Variants in LRP1B observed in about 807,000 individuals in gnomAD.
LRP1B encodes LDL receptor related protein 1B, also known as low-density lipoprotein receptor-related protein 1B.
Under a neutral mutation model 556.6 loss-of-function variants are expected in LRP1B, and 217 were observed. The observed-to-expected ratio is 0.39, with a 90% CI of 0.35 to 0.44. The LOEUF is 0.44. Among genes scored for constraint, LRP1B ranks in the 20% least tolerant of loss-of-function variants. The pLI, the probability that LRP1B is intolerant of heterozygous loss-of-function variation, is 1.00. For missense variants in LRP1B, 5,053 were observed against 5,620.8 expected (o/e 0.90, Z 3.23); for synonymous variants, 2,047 against 1,865.8 (o/e 1.10, Z -2.50).
intron 2 of LRP1B, among the ~76,000 whole-genome samples, chr2:141,708,121 G>T (rs552181012): frequency 6.6e-6 from 1 of 152,108 alleles, no homozygotes; most frequent in Admixed American, 6.6e-5. Flanking sequence ...CACTTGCTCT[G>T]CTGATATTTC....
chr2:140,696,865 T>A (rs1559060955), intron 41 of LRP1B, among the ~76,000 whole-genome samples: 1 of 152,168 alleles, frequency 6.6e-6, no homozygotes, highest in South Asian at 2.1e-4. Flanking sequence ...GTTCAAAAGG[T>A]TGAGGACCAC....
chr2:140,294,392 T>G (rs181133490), intron 84 of LRP1B, among the ~76,000 whole-genome samples: 69 of 152,366 alleles, frequency 4.5e-4, no homozygotes, highest in Non-Finnish European at 8.2e-4. Flanking sequence ...TGTGTGATTC[T>G]TTGTTCCTTT....
chr2:141,163,899 C>T (rs1186532557), intron 7 of LRP1B, among the ~76,000 whole-genome samples: 3 of 151,984 alleles, frequency 2.0e-5, no homozygotes, highest in Admixed American at 6.6e-5. Context: ...AACTATACCT[C>T]GGACCTATTT....
chr2:141,442,120 C>T (rs568904878), intron 3 of LRP1B, among the ~76,000 whole-genome samples: 47 of 152,218 alleles, frequency 3.1e-4, no homozygotes, highest in African/African-American at 1.1e-3. Flanking sequence ...ACTGGAAATG[C>T]TTTTCCTTTT....
intron 3 of LRP1B, among the ~76,000 whole-genome samples, chr2:141,279,792 A>G (rs958856301): frequency 6.6e-6 from 1 of 152,104 alleles, no homozygotes; most frequent in Non-Finnish European, 1.5e-5. Context: ...GAGGGATAAT[A>G]CAATAGGTTG....
chr2:140,663,746 C>T (rs1685174526), intron 41 of LRP1B, among the ~76,000 whole-genome samples: 1 of 152,178 alleles, frequency 6.6e-6, no homozygotes. Context: ...TTTCAATTGT[C>T]TTCAAGAACC....
At chr2:141,024,528 T>C (rs926832336) in intron 11 of LRP1B, among the ~76,000 whole-genome samples, 2 of 152,018 alleles carry the variant, frequency 1.3e-5, no homozygotes, top group African/African-American at 4.8e-5. Context: ...TTATTTTATC[T>C]TTGATACAAT....
At chr2:140,926,645 T>G (rs1459921308) in intron 20 of LRP1B, among the ~76,000 whole-genome samples, 1 of 152,174 alleles carries the variant, frequency 6.6e-6, no homozygotes, top group Non-Finnish European at 1.5e-5. Context: ...ACCCAGCTAA[T>G]GTCCATGATT....
intron 83 of LRP1B, among the ~76,000 whole-genome samples, chr2:140,299,085 A>T (rs1184859892): frequency 6.6e-6 from 1 of 152,104 alleles, no homozygotes; most frequent in Non-Finnish European, 1.5e-5. Context: ...TTTCTCTGTC[A>T]TCTTTGTAGA....
intron 20 of LRP1B, among the ~76,000 whole-genome samples, chr2:140,943,044 C>T (rs550204821): frequency 6.6e-6 from 1 of 152,154 alleles, no homozygotes; most frequent in East Asian, 1.9e-4. Flanking sequence ...CAGACCATCT[C>T]CCATGTAATG....
chr2:142,018,218 C>A (rs530476430), intron 1 of LRP1B, among the ~76,000 whole-genome samples: 1 of 152,108 alleles, frequency 6.6e-6, no homozygotes, highest in African/African-American at 2.4e-5. Context: ...ACATTATTGT[C>A]ATCATTCTTC....
chr2:141,061,906 A>G (rs372850410), intron 8 of LRP1B, 145 bp downstream of exon 8: 1 of 644,336 alleles, frequency 1.6e-6, no homozygotes, highest in Non-Finnish European at 2.7e-6. Context: ...CTGTGAAAAG[A>G]ACATTCTCCA....
At chr2:141,498,703 T>C (rs1266145816) in intron 2 of LRP1B, among the ~76,000 whole-genome samples, 2 of 152,086 alleles carry the variant, frequency 1.3e-5, no homozygotes, top group Non-Finnish European at 2.9e-5. Context: ...AACTGCATAA[T>C]GGCTCATATC....
chr2:140,847,595 C>A (rs890226390), intron 29 of LRP1B, among the ~76,000 whole-genome samples: 18 of 151,880 alleles, frequency 1.2e-4, no homozygotes, highest in Admixed American at 2.0e-4. Context: ...GGTGAAACCC[C>A]ATCTCTACTA....
At chr2:141,389,190 C>T (rs1466567318) in intron 3 of LRP1B, among the ~76,000 whole-genome samples, 2 of 152,110 alleles carry the variant, frequency 1.3e-5, no homozygotes, top group Admixed American at 6.5e-5. Flanking sequence ...AGAATAAGAA[C>T]AAATTGGAGG....
At chr2:140,513,663 A>T (rs1441873285) in intron 51 of LRP1B, among the ~76,000 whole-genome samples, 2 of 151,596 alleles carry the variant, frequency 1.3e-5, no homozygotes, top group East Asian at 3.9e-4. Flanking sequence ...TACTAAAGAG[A>T]ACTTCAGTTG....
intron 23 of LRP1B, among the ~76,000 whole-genome samples, chr2:140,889,334 T>C (rs538487584): frequency 2.6e-5 from 4 of 152,326 alleles, no homozygotes; most frequent in African/African-American, 9.6e-5. Context: ...CTCACTCTGT[T>C]GCCCAGGCTG....
intron 87 of LRP1B, among the ~76,000 whole-genome samples, chr2:140,245,717 G>C (rs1681131134): frequency 6.6e-6 from 1 of 151,332 alleles, no homozygotes; most frequent in South Asian, 2.1e-4. Context: ...CTTGGGAAGA[G>C]AGATAAAGTA....
At chr2:140,319,743 C>A (rs117098193) in intron 82 of LRP1B, among the ~76,000 whole-genome samples, 7 of 152,074 alleles carry the variant, frequency 4.6e-5, no homozygotes, top group African/African-American at 1.4e-4. Flanking sequence ...CTTTTGAGAA[C>A]GTGGTACTAA....
Sources: allele counts gnomAD v4.1 joint callset (sites outside exome capture counted in the v4.1 genomes callset), GRCh38; gene constraint gnomAD v4.1.1; transcripts MANE v1.5; gene names NCBI Gene and HGNC (gene_info 2026-07-23, HGNC 2026-07-21).